The following EYS variants were observed in gnomAD, a reference collection of about 807,000 sequenced individuals.
EYS encodes protein eyes shut homolog.
EYS carries 250 observed loss-of-function variants against 282.1 expected under a neutral mutation model. The observed-to-expected ratio is 0.89, with a 90% CI of 0.80 to 0.98. The LOEUF is 0.98. EYS is among the 50% of genes least tolerant of loss of function. EYS has a pLI of 0.00. For synonymous variants in EYS, 1,355 were observed against 1,282.9 expected (o/e 1.06, Z -1.20); for missense variants, 4,016 against 3,709.0 (o/e 1.08, Z -2.15).
chr6:64,441,438 T>C (rs1414545012), intron 26 of EYS, among the ~76,000 whole-genome samples: 1 of 152,172 alleles, frequency 6.6e-6, no homozygotes, highest in African/African-American at 2.4e-5. Flanking sequence ...AAGTATATCT[T>C]TGAAGAGTTG....
chr6:64,643,117 C>CCA (rs1768226907), intron 22 of EYS, among the ~76,000 whole-genome samples: 1 of 118,066 alleles, frequency 8.5e-6, no homozygotes, highest in Non-Finnish European at 1.8e-5. Context: ...CTCCATCCCC[C>CCA]CCCCCAAAAA....
At chr6:65,105,381 C>G (rs934077990) in intron 12 of EYS, among the ~76,000 whole-genome samples, 3 of 151,716 alleles carry the variant, frequency 2.0e-5, no homozygotes, top group Non-Finnish European at 4.4e-5. Context: ...AATCTATAAT[C>G]ATAATGTAGT....
chr6:64,881,388 G>A, intron 19 of EYS, among the ~76,000 whole-genome samples: 1 of 151,808 alleles, frequency 6.6e-6, no homozygotes, highest in Non-Finnish European at 1.5e-5. Context: ...AATATCATCT[G>A]TGGGAAAATT....
intron 8 of EYS, among the ~76,000 whole-genome samples, chr6:65,361,681 A>G (rs1469411935): frequency 6.6e-6 from 1 of 151,890 alleles, no homozygotes; most frequent in Non-Finnish European, 1.5e-5. Context: ...GGGTTTTGCT[A>G]TGTTGCTCAG....
At position 64,999,221 on chromosome 6, in the gene EYS, A is replaced by G. The variant is rs552824658; in HGVS notation, c.2138-1518T>C. On this transcript the variant is annotated intron_variant, in intron 13 of 42. Transcript: ENST00000503581. Reference sequence around the variant, plus strand: ...ATACCAAAGGGAAATCGGATACTGCAAAGAAGATAGAAAAAAATTAAATAT... The same window carrying G: ...ATACCAAAGGGAAATCGGATACTGCGAAGAAGATAGAAAAAAATTAAATAT... Among the ~76,000 whole-genome samples, 4 of 152,368 alleles carry G rather than the reference A, an allele frequency of 2.6e-5. No individual in the cohort carries two copies. The South Asian group carries it at 8.3e-4, about 32-fold the overall frequency.
intron 30 of EYS, among the ~76,000 whole-genome samples, chr6:64,233,445 T>C (rs1562264435): frequency 1.3e-5 from 2 of 152,340 alleles, no homozygotes; most frequent in East Asian, 3.8e-4. Context: ...TTCACACTGC[T>C]AAAATTTTAC....
intron 22 of EYS, among the ~76,000 whole-genome samples, chr6:64,707,939 A>G (rs1344956369): frequency 1.1e-4 from 17 of 152,178 alleles, no homozygotes; most frequent in Admixed American, 1.1e-3. Flanking sequence ...CTATGAAGTG[A>G]TACAGAATAT....
intron 1 of EYS, among the ~76,000 whole-genome samples, chr6:65,705,236 T>A (rs1769833238): frequency 6.6e-6 from 1 of 152,176 alleles, no homozygotes; most frequent in Non-Finnish European, 1.5e-5. Context: ...AATTAACTCT[T>A]TGGCTACTGC....
chr6:65,676,890 C>A (rs1768623037), intron 1 of EYS, among the ~76,000 whole-genome samples: 1 of 151,400 alleles, frequency 6.6e-6, no homozygotes, highest in African/African-American at 2.4e-5. Context: ...GATGAAGGGA[C>A]TGTTCAACAT....
chr6:63,840,998 CAA>C (rs768473884), intron 36 of EYS, among the ~76,000 whole-genome samples: 24 of 152,082 alleles, frequency 1.6e-4, no homozygotes, highest in Non-Finnish European at 2.4e-4. Flanking sequence ...CTTGGCTATT[CAA>C]AGTCTTTGTA....
intron 5 of EYS, among the ~76,000 whole-genome samples, chr6:65,421,998 CAG>C (rs536384236): frequency 6.6e-6 from 1 of 151,808 alleles, no homozygotes; most frequent in Non-Finnish European, 1.5e-5. Context: ...CAAAAGGTGA[CAG>C]AGACACAAAG....
At chr6:63,932,905 G>T (rs754914235) in intron 35 of EYS, among the ~76,000 whole-genome samples, 3 of 152,224 alleles carry the variant, frequency 2.0e-5, no homozygotes, top group Non-Finnish European at 4.4e-5. Flanking sequence ...ACAAGCACAG[G>T]CTGTGACCTG....
At chr6:64,499,484 C>T (rs142664213) in intron 26 of EYS, among the ~76,000 whole-genome samples, 229 of 152,214 alleles carry the variant, frequency 1.5e-3, no homozygotes, top group Middle Eastern at 6.8e-3. Context: ...AGTCTTGCTG[C>T]TATGGCATGC....
At chr6:65,511,025 T>A (rs977282878) in intron 2 of EYS, among the ~76,000 whole-genome samples, 5 of 152,232 alleles carry the variant, frequency 3.3e-5, no homozygotes, top group Non-Finnish European at 7.3e-5. Context: ...TAGGAATTAC[T>A]TTCTCACCAA....
At chr6:64,540,475 A>ATTTTT (rs397888030) in intron 26 of EYS, among the ~76,000 whole-genome samples, 8 of 83,508 alleles carry the variant, frequency 9.6e-5, no homozygotes, top group Admixed American at 1.6e-4. Flanking sequence ...CCAAGTACAG[A>ATTTTT]TTTTTTTTTT....
chr6:64,883,928 TTTA>T (rs1190303369), intron 19 of EYS, among the ~76,000 whole-genome samples: 2 of 151,528 alleles, frequency 1.3e-5, no homozygotes. Context: ...TTTGTAAATG[TTTA>T]TTATCTTCTT....
intron 8 of EYS, among the ~76,000 whole-genome samples, chr6:65,361,101 T>C (rs1249302510): frequency 9.1e-6 from 1 of 109,814 alleles, no homozygotes; most frequent in Non-Finnish European, 1.9e-5. Flanking sequence ...CTCAGCAAAC[T>C]ATCGCAAGGA....
intron 26 of EYS, among the ~76,000 whole-genome samples, chr6:64,476,793 A>G (rs577448532): frequency 4.6e-5 from 7 of 152,330 alleles, no homozygotes; most frequent in African/African-American, 1.7e-4. Context: ...TGATTTGTCA[A>G]TAAAAAGTAT....
chr6:64,615,783 T>C (rs554789541), intron 24 of EYS, among the ~76,000 whole-genome samples: 1 of 152,156 alleles, frequency 6.6e-6, no homozygotes, highest in Non-Finnish European at 1.5e-5. Flanking sequence ...AGCTTTCAAG[T>C]ACTTAGAGAA....
Sources: allele counts gnomAD v4.1 joint callset (sites outside exome capture counted in the v4.1 genomes callset), GRCh38; gene constraint gnomAD v4.1.1; transcripts MANE v1.5; gene names NCBI Gene and HGNC (gene_info 2026-07-23, HGNC 2026-07-21).